The following SIRT1 variants were observed in gnomAD, a reference collection of about 807,000 sequenced individuals.
SIRT1 encodes NAD-dependent protein deacetylase sirtuin-1.
Under a neutral mutation model 67.9 loss-of-function variants are expected in SIRT1, and 24 were observed. That is an observed-to-expected ratio of 0.35 (90% confidence interval 0.26 to 0.50). The LOEUF is 0.50. SIRT1 is among the 20% of genes least tolerant of loss of function. SIRT1 has a pLI of 0.98. For synonymous variants in SIRT1, 378 were observed against 350.7 expected, an observed-to-expected ratio of 1.08 and a Z score of -0.87; for missense variants, 873 against 937.2, an observed-to-expected ratio of 0.93 and a Z score of 0.89.
At position 67,911,615 on chromosome 10, in the gene SIRT1, C is replaced by T. The variant is rs34104535; in HGVS notation, c.1358-859C>T. 8.8e-3 allele frequency among the ~76,000 whole-genome samples: 1,232 copies of T among 140,130 alleles called. 16 individuals carry two copies. The highest frequency in any genetic ancestry group is 0.031 in the African/African-American group (1,166 of 37,214). 91.9% of individuals were successfully genotyped at this position (140,130 alleles called of 152,430 possible). ...TTTATATGACTTTTTCCCTCCCCCCCTCCCCTCCCTCCCTCCCTTCCGTTT... is the reference window on the plus strand; with the variant it reads ...TTTATATGACTTTTTCCCTCCCCCCTTCCCCTCCCTCCCTCCCTTCCGTTT... On this transcript the variant is annotated intron_variant, in intron 7 of 8. Transcript: ENST00000212015.
chr10:67,894,070 T>C (rs781079044), intron 4 of SIRT1, among the ~76,000 whole-genome samples: 13 of 152,118 alleles, frequency 8.5e-5, no homozygotes, highest in Non-Finnish European at 1.6e-4. Flanking sequence ...AACTCCGGAG[T>C]TTGAGACCAG....
At chr10:67,906,474 G>A (rs887626966) in intron 4 of SIRT1, among the ~76,000 whole-genome samples, 6 of 151,692 alleles carry the variant, frequency 4.0e-5, no homozygotes, top group Non-Finnish European at 7.4e-5. Context: ...TGAATTTGCA[G>A]CCAACAAAAA....
At chr10:67,889,414 G>A (rs950703065) in intron 3 of SIRT1, among the ~76,000 whole-genome samples, 26 of 152,334 alleles carry the variant, frequency 1.7e-4, no homozygotes, top group Admixed American at 2.0e-4. Flanking sequence ...GCAGGGAATT[G>A]AAACTCTGCT....
At chr10:67,897,644 G>A (rs1454547538) in intron 4 of SIRT1, among the ~76,000 whole-genome samples, 1 of 152,008 alleles carries the variant, frequency 6.6e-6, no homozygotes, top group Non-Finnish European at 1.5e-5. Context: ...TTACAGGCAT[G>A]AGCCACTGTG....
Position 67,916,377 on chromosome 10 carries a change from T to C in SIRT1, c.2028T>C (p.Asp676=), listed in dbSNP as rs561931927. ...CTAGTTCTTGTGGCAGTAACAGTGA[T>C]AGTGGGACATGCCAGAGTCCAAGTT... The part of the protein sequence containing the change: ...LSSSSCGSNS[D]SGTCQSPSLE... Residue 676 remains aspartate, a synonymous_variant, in exon 9 of 9, where the codon GAT becomes GAC. Transcript: ENST00000212015. 1 of 1,614,188 alleles carries C rather than the reference T, an allele frequency of 6.2e-7. No individual in the cohort carries two copies. Among genetic ancestry groups the C allele is most frequent in the African/African-American group, 1.3e-5 (1 of 75,050 alleles).
intron 4 of SIRT1, among the ~76,000 whole-genome samples, chr10:67,896,880 GCTAA>G (rs36036341): frequency 0.11 from 16,827 of 151,874 alleles, 949 homozygotes; most frequent in South Asian, 0.15. Flanking sequence ...GCTCATTGAG[GCTAA>G]CTGAGGTGGC....
intron 4 of SIRT1, among the ~76,000 whole-genome samples, chr10:67,898,071 C>G (rs1469087512): frequency 6.7e-6 from 1 of 148,236 alleles, no homozygotes; most frequent in Non-Finnish European, 1.5e-5. Context: ...ACCAGCCTGA[C>G]CAACATGGTG....
At chr10:67,889,825 TA>T (rs1459959741) in intron 3 of SIRT1, among the ~76,000 whole-genome samples, 3 of 152,220 alleles carry the variant, frequency 2.0e-5, no homozygotes, top group Admixed American at 6.5e-5. Context: ...TTGTTTAACT[TA>T]AATTGACCTT....
chr10:67,901,522 G>GC (rs1842744864), intron 4 of SIRT1, among the ~76,000 whole-genome samples: 1 of 152,184 alleles, frequency 6.6e-6, no homozygotes, highest in South Asian at 2.1e-4. Flanking sequence ...TATGTAGTAT[G>GC]CTTTGCAGAC....
chr10:67,911,122 AT>A (rs1439736444), intron 7 of SIRT1, among the ~76,000 whole-genome samples: 1 of 152,252 alleles, frequency 6.6e-6, no homozygotes, highest in Non-Finnish European at 1.5e-5. Flanking sequence ...AAACATGAAA[AT>A]TTAATATACA....
rs1204178520 is a variant in SIRT1, at chr10:67,908,139, C to A, written c.1170+14C>A. The A allele has an allele frequency of 6.2e-7, 1 of 1,606,206 alleles. No individual in the cohort carries two copies. Among genetic ancestry groups the A allele is most frequent in the East Asian group, 2.2e-5 (1 of 44,682 alleles). ...ATTTTTAATCAGGTAATTTGTTGCC[C>A]ATATTTTAGGAATTGTTCATGTCTC... On this transcript the variant is annotated intron_variant, in intron 6 of 8. Coordinates refer to ENST00000212015, the MANE Select transcript of SIRT1 (RefSeq NM_012238.5).
intron 4 of SIRT1, among the ~76,000 whole-genome samples, chr10:67,901,411 G>A (rs1842743116): frequency 6.6e-6 from 1 of 152,134 alleles, no homozygotes; most frequent in Admixed American, 6.6e-5. Flanking sequence ...GACCAAAATG[G>A]CAAGTTAGGT....
At chr10:67,903,546 G>A (rs1279101046) in intron 4 of SIRT1, among the ~76,000 whole-genome samples, 1 of 151,986 alleles carries the variant, frequency 6.6e-6, no homozygotes, top group East Asian at 1.9e-4. Context: ...ACCATGCCCA[G>A]CTAATTTTTT....
chr10:67,904,469 CTAA>C (rs913945894), intron 4 of SIRT1, among the ~76,000 whole-genome samples: 1 of 152,052 alleles, frequency 6.6e-6, no homozygotes, highest in African/African-American at 2.4e-5. Context: ...ATATTTAAAT[CTAA>C]TAATTCAGAC....
At chr10:67,886,364 G>T (rs1842480669) in intron 1 of SIRT1, among the ~76,000 whole-genome samples, 1 of 151,856 alleles carries the variant, frequency 6.6e-6, no homozygotes, top group South Asian at 2.1e-4. Context: ...AGGCCAAAGC[G>T]GGAGGATCTC....
At chr10:67,897,755 C>T (rs1435472936) in intron 4 of SIRT1, among the ~76,000 whole-genome samples, 1 of 151,768 alleles carries the variant, frequency 6.6e-6, no homozygotes, top group Non-Finnish European at 1.5e-5. Context: ...ACCTTGGCCT[C>T]CTAAAGTTCT....
chr10:67,894,260 C>T (rs1842619658), intron 4 of SIRT1, among the ~76,000 whole-genome samples: 1 of 152,184 alleles, frequency 6.6e-6, no homozygotes, highest in Non-Finnish European at 1.5e-5. Context: ...GAATTTTTAA[C>T]TTAAAACTTA....
intron 1 of SIRT1, among the ~76,000 whole-genome samples, chr10:67,887,127 C>T (rs1481579226): frequency 2.0e-5 from 3 of 152,274 alleles, no homozygotes; most frequent in Non-Finnish European, 4.4e-5. Context: ...CTGCCTCGGC[C>T]TCCCAAAGCT....
chr10:67,897,070 C>T (rs2131862138), intron 4 of SIRT1, among the ~76,000 whole-genome samples: 1 of 151,658 alleles, frequency 6.6e-6, no homozygotes, highest in Admixed American at 6.6e-5. Flanking sequence ...GCAGCAGAAT[C>T]ACTTGAACCT....
Sources: allele counts gnomAD v4.1 joint callset (sites outside exome capture counted in the v4.1 genomes callset), GRCh38; gene constraint gnomAD v4.1.1; transcripts MANE v1.5; gene names NCBI Gene and HGNC (gene_info 2026-07-23, HGNC 2026-07-21).